The following FAH variants were observed in gnomAD, a reference collection of about 807,000 sequenced individuals.
The protein encoded by FAH is fumarylacetoacetate hydrolase, also known as fumarylacetoacetase.
In FAH, 47 loss-of-function variants were observed where a neutral mutation model predicts 55.8. The ratio of observed to expected loss-of-function variants is 0.84; its 90% CI spans 0.67 to 1.07. The LOEUF is 1.07. Among genes scored for constraint, FAH ranks in the 50% least tolerant of loss-of-function variants. The pLI is 0.00. For missense variants in FAH, 495 were observed against 545.9 expected (o/e 0.91, Z 0.93); for synonymous variants, 199 against 207.7 (o/e 0.96, Z 0.36).
intron 7 of FAH, among the ~76,000 whole-genome samples, chr15:80,170,572 C>T (rs891282910): frequency 6.6e-6 from 1 of 152,210 alleles, no homozygotes; most frequent in Non-Finnish European, 1.5e-5. Context: ...AGGAGGACCC[C>T]CAGCTGAGAT....
chr15:80,153,472 G>A (rs1441283978), intron 1 of FAH, among the ~76,000 whole-genome samples: 22 of 152,186 alleles, frequency 1.4e-4, no homozygotes, highest in Admixed American at 1.4e-3. Flanking sequence ...TGCCTACTCC[G>A]AGGTGGTTGC....
At chr15:80,178,649 T>C (rs1356563862) in intron 11 of FAH, among the ~76,000 whole-genome samples, 1 of 151,510 alleles carries the variant, frequency 6.6e-6, no homozygotes, top group Non-Finnish European at 1.5e-5. Context: ...AGTGGCGCGA[T>C]CTCGGCTCAC....
At chr15:80,173,580 CACCGCTTGGTCT>C in intron 9 of FAH, 1 of 343,584 alleles carries the variant, frequency 2.9e-6, no homozygotes, top group Non-Finnish European at 5.7e-6. Context: ...TGGTTCCCGG[CACCGCTTGGTCT>C]ACCACTGGGT....
At chr15:80,181,902 GTGTA>G (rs2041334478) in intron 13 of FAH, among the ~76,000 whole-genome samples, 2 of 152,148 alleles carry the variant, frequency 1.3e-5, no homozygotes, top group Admixed American at 6.5e-5. Context: ...CGCGCTAATT[GTGTA>G]TGTGTCAGTT....
In FAH at chr15:80,180,106, C is replaced by G; in HGVS notation, c.961-18C>G. ...AAGCCTGCCGCTGCTCATTCCACCT[C>G]GCGTCCATTGCCTGCAGTACATGTA... On this transcript the variant is annotated intron_variant, in intron 11 of 13. Transcript: ENST00000561421. The G allele has an allele frequency of 6.3e-7, 1 of 1,595,810 alleles. No homozygotes were observed. The highest frequency in any genetic ancestry group is 8.6e-7 in the Non-Finnish European group (1 of 1,169,180).
intron 7 of FAH, among the ~76,000 whole-genome samples, chr15:80,169,635 ACCATTCTCCTGCCTCAG>A (rs1397452127): frequency 1.6e-4 from 25 of 151,820 alleles, no homozygotes; most frequent in Admixed American, 8.5e-4. Flanking sequence ...CTGGGTTCAC[ACCATTCTCCTGCCTCAG>A]CCTCCCGAAT....
In FAH at chr15:80,173,105, G is replaced by A. The variant is rs2041255150; in HGVS notation, c.798G>A (p.Met266Ile). 1 of 1,614,116 alleles carries A rather than the reference G, an allele frequency of 6.2e-7. No individual in the cohort carries two copies. The highest frequency in any genetic ancestry group is 8.5e-7 in the Non-Finnish European group (1 of 1,180,050). ...CTGTCTCTCCGTGGGTGGTGCCCAT[G>A]GATGCTCTCATGCCCTTTGCTGTGC... ...GTTVSPWVVP[M>I]DALMPFAVPN... The change falls in exon 9 of 14, where the codon ATG becomes ATA. Residue 266 changes from methionine to isoleucine, a missense_variant. Coordinates refer to ENST00000561421, the MANE Select transcript of FAH (RefSeq NM_000137.4).
At chr15:80,186,488 A>G (rs2041372565), downstream of FAH, 3 of 507,330 alleles carry the variant, frequency 5.9e-6, no homozygotes, top group South Asian at 6.2e-5. Flanking sequence ...TTCTTATTAG[A>G]CATCCCAGGC....
intron 10 of FAH, among the ~76,000 whole-genome samples, chr15:80,177,173 T>G (rs1434838424): frequency 6.6e-6 from 1 of 152,242 alleles, no homozygotes; most frequent in Non-Finnish European, 1.5e-5. Context: ...GACAGCAGGT[T>G]ATCCTTGATC....
Position 80,158,066 on chromosome 15 carries a change from C to G in FAH, c.88C>G (p.Pro30Ala), listed in dbSNP as rs770176263. 1 of 1,613,180 alleles carries G rather than the reference C, an allele frequency of 6.2e-7. No individual in the cohort carries two copies. Among genetic ancestry groups the G allele is most frequent in the East Asian group, 2.2e-5 (1 of 44,872 alleles). ...GGTGTCGTCTTCCTCCTAGCCAAGACCGAGGATAGGTGTGGCCATTGGCGA... is the reference window on the plus strand; with the variant it reads ...GGTGTCGTCTTCCTCCTAGCCAAGAGCGAGGATAGGTGTGGCCATTGGCGA... Reference protein sequence around the residue: ...GVFSTRGDPRPRIGVAIGDQI... With the variant: ...GVFSTRGDPRARIGVAIGDQI... Residue 30 changes from proline (P) to alanine (A), a missense_variant, in exon 2 of 14, where the codon CCG (proline) becomes GCG (alanine). Coordinates refer to ENST00000561421, the MANE Select transcript of FAH (RefSeq NM_000137.4).
intron 13 of FAH, among the ~76,000 whole-genome samples, chr15:80,182,162 G>A (rs1220228671): frequency 6.6e-6 from 1 of 152,060 alleles, no homozygotes; most frequent in African/African-American, 2.4e-5. Flanking sequence ...TGCCTCCACG[G>A]TCACATTGTC....
chr15:80,166,746 C>T (rs1033365764), intron 5 of FAH, among the ~76,000 whole-genome samples: 1 of 150,478 alleles, frequency 6.6e-6, no homozygotes, highest in South Asian at 2.1e-4. Context: ...ACGCCATTCT[C>T]CTGCCTCAGC....
At chr15:80,182,218 CAT>C (rs2041337112) in intron 13 of FAH, among the ~76,000 whole-genome samples, 1 of 152,166 alleles carries the variant, frequency 6.6e-6, no homozygotes, top group Non-Finnish European at 1.5e-5. Flanking sequence ...TTATAACACA[CAT>C]GTGATAGCAT....
chr15:80,167,530 CTTTTT>C (rs11315019), intron 5 of FAH, among the ~76,000 whole-genome samples: 1 of 110,798 alleles, frequency 9.0e-6, no homozygotes, highest in Non-Finnish European at 1.9e-5. Flanking sequence ...ATGGCTGTAT[CTTTTT>C]TTTTTTTTTT....
intron 13 of FAH, among the ~76,000 whole-genome samples, chr15:80,183,405 C>T (rs1182266592): frequency 3.9e-5 from 6 of 152,182 alleles, no homozygotes; most frequent in African/African-American, 1.2e-4. Flanking sequence ...AGCAGAGGAG[C>T]GGGCAGGTGG....
intron 5 of FAH, among the ~76,000 whole-genome samples, chr15:80,164,999 T>C (rs918838551): frequency 2.2e-4 from 33 of 152,216 alleles, no homozygotes; most frequent in African/African-American, 7.5e-4. Context: ...TGTAGATAAG[T>C]TTAAATCTAT....
intron 1 of FAH, 70 bp from the exon 2 acceptor site, chr15:80,157,990 C>A: frequency 8.7e-7 from 1 of 1,154,500 alleles, no homozygotes; most frequent in Non-Finnish European, 1.3e-6. Flanking sequence ...AATAGATAGG[C>A]TTTCTGAGTA....
At position 80,172,715 on chromosome 15, in the gene FAH, C is replaced by T. The variant is rs114465834; in HGVS notation, c.707-299C>T. Among the ~76,000 whole-genome samples, 703 of 152,320 alleles carry T rather than the reference C, an allele frequency of 4.6e-3. 4 individuals are homozygous for T. The highest frequency in any genetic ancestry group is 0.017 in the African/African-American group (688 of 41,568). On this transcript the variant is annotated intron_variant, in intron 8 of 13. Transcript: ENST00000561421. ...CGTGGGAGGAAGATGGCACCATAAG[C>T]CCCAGAAAGTGTCTCTCTCATAGTT...
intron 13 of FAH, among the ~76,000 whole-genome samples, chr15:80,182,709 G>A (rs142731547): frequency 1.9e-4 from 29 of 152,302 alleles, no homozygotes; most frequent in Admixed American, 3.3e-4. Flanking sequence ...TAGAAGGCAG[G>A]TTACTTGACA....
Sources: gnomAD v4.1 joint callset for allele counts (sites outside exome capture counted in the v4.1 genomes callset) on GRCh38, gnomAD v4.1.1 for gene constraint, MANE v1.5 for transcripts, NCBI Gene and HGNC (gene_info 2026-07-23, HGNC 2026-07-21) for gene names.